Variants in ZC3H12B observed in about 807,000 individuals in gnomAD.
ZC3H12B encodes the protein probable ribonuclease ZC3H12B.
A neutral mutation model predicts 43.9 loss-of-function variants in ZC3H12B; 7 were observed. That is an observed-to-expected ratio of 0.16 (90% CI 0.09 to 0.30). The LOEUF is 0.30. Ranked by LOEUF, ZC3H12B falls within the 10% of genes least tolerant of loss-of-function variation. The pLI is 1.00. For missense variants in ZC3H12B, 475 were observed against 670.2 expected, an observed-to-expected ratio of 0.71 and a Z score of 3.22; for synonymous variants, 222 against 241.7, an observed-to-expected ratio of 0.92 and a Z score of 0.76.
At chrX:65,095,532 A>C in the ZC3H12B span, among the ~76,000 whole-genome samples, 22 of 111,377 alleles carry the variant, frequency 2.0e-4, no homozygotes, top group Non-Finnish European at 3.8e-4. Flanking sequence ...TGTAGGAACC[A>C]GTACTGGGTG....
chrX:65,071,588 A>G, the ZC3H12B span, among the ~76,000 whole-genome samples: 1 of 111,540 alleles, frequency 9.0e-6, no homozygotes, highest in Non-Finnish European at 1.9e-5. Context: ...GTGGCTTGTA[A>G]TGATCTTTCT....
chrX:65,455,567 AG>A (rs1374915661), intron 3 of ZC3H12B, among the ~76,000 whole-genome samples: 1 of 112,363 alleles, frequency 8.9e-6, no homozygotes, highest in Non-Finnish European at 1.9e-5. Flanking sequence ...GATATTATCC[AG>A]GAGAAATTCC....
chrX:65,507,047 T>C (rs896070482), exon 5 of ZC3H12B: 1 of 112,200 alleles, frequency 8.9e-6, no homozygotes, highest in African/African-American at 3.3e-5. Flanking sequence ...ATTATCTTTA[T>C]ACAGTAATTC....
At chrX:65,191,606 T>G in the ZC3H12B span, among the ~76,000 whole-genome samples, 1 of 104,299 alleles carries the variant, frequency 9.6e-6, no homozygotes, top group African/African-American at 4.0e-5. Flanking sequence ...TGTAGTATTC[T>G]CTGATGGTAG....
chrX:65,314,507 G>A, the ZC3H12B span, among the ~76,000 whole-genome samples: 1 of 111,843 alleles, frequency 8.9e-6, no homozygotes, highest in African/African-American at 3.2e-5. Flanking sequence ...CATTGTTAAA[G>A]TGCTGAATAA....
intron 3 of ZC3H12B, chrX:65,469,353 A>T: frequency 5.1e-6 from 2 of 393,546 alleles, no homozygotes; most frequent in Non-Finnish European, 4.7e-6. Flanking sequence ...CCTGCTGGTC[A>T]ATGCCAAAGG....
chrX:65,106,961 G>T, the ZC3H12B span, among the ~76,000 whole-genome samples: 2 of 111,302 alleles, frequency 1.8e-5, no homozygotes, highest in Non-Finnish European at 3.8e-5. Flanking sequence ...AACTCAATCT[G>T]GTTCCAGAGC....
At chrX:65,283,935 C>A in the ZC3H12B span, among the ~76,000 whole-genome samples, 2 of 111,201 alleles carry the variant, frequency 1.8e-5, no homozygotes, top group Non-Finnish European at 3.8e-5. Context: ...ATATTTGATA[C>A]AAGGATGTGA....
the ZC3H12B span, among the ~76,000 whole-genome samples, chrX:65,331,978 G>A: frequency 2.7e-5 from 3 of 111,131 alleles, no homozygotes; most frequent in Non-Finnish European, 5.7e-5. Context: ...CTTTGCTGTA[G>A]CCTGTTTTAT....
At chrX:65,087,141 G>A in the ZC3H12B span, among the ~76,000 whole-genome samples, 7 of 110,526 alleles carry the variant, frequency 6.3e-5, no homozygotes, top group African/African-American at 1.6e-4. Flanking sequence ...CAATAGGTGC[G>A]TTTCCCTCAT....
At chrX:65,216,385 T>G in the ZC3H12B span, among the ~76,000 whole-genome samples, 1 of 111,201 alleles carries the variant, frequency 9.0e-6, no homozygotes, top group South Asian at 3.8e-4. Context: ...AGCTCAACAC[T>G]GGGCAGAACT....
At chrX:65,226,848 T>A in the ZC3H12B span, among the ~76,000 whole-genome samples, 1 of 111,657 alleles carries the variant, frequency 9.0e-6, no homozygotes, top group Non-Finnish European at 1.9e-5. Flanking sequence ...TAAATATATA[T>A]GCACCCAAAA....
intron 1 of ZC3H12B, among the ~76,000 whole-genome samples, chrX:65,491,801 ACAT>A (rs1261531000): frequency 9.2e-6 from 1 of 108,767 alleles, no homozygotes; most frequent in African/African-American, 3.3e-5. Flanking sequence ...TAAAATCATG[ACAT>A]CATCATAATT....
the ZC3H12B span, among the ~76,000 whole-genome samples, chrX:65,291,284 A>T: frequency 1.8e-5 from 2 of 111,706 alleles, no homozygotes; most frequent in African/African-American, 6.5e-5. Context: ...ATATTTAAAA[A>T]TTTACTTCTT....
chrX:65,438,564 C>T (rs1218815721), intron 3 of ZC3H12B, among the ~76,000 whole-genome samples: 3 of 112,418 alleles, frequency 2.7e-5, no homozygotes, highest in Admixed American at 9.4e-5. Context: ...TCATAGCCTT[C>T]AGAGCTGAAA....
the ZC3H12B span, among the ~76,000 whole-genome samples, chrX:65,212,056 A>G: frequency 3.2e-5 from 2 of 63,096 alleles, no homozygotes; most frequent in Non-Finnish European, 5.2e-5. Context: ...TATATAATAT[A>G]TATGTTATGT....
At chrX:65,178,841 AAG>A in the ZC3H12B span, among the ~76,000 whole-genome samples, 731 of 112,357 alleles carry the variant, frequency 6.5e-3, 13 homozygotes, top group African/African-American at 0.023. Context: ...ACCATTGTGG[AAG>A]AGAGTGTGCA....
chrX:65,212,267 A>ATAATATATAATATATAATATG, the ZC3H12B span, among the ~76,000 whole-genome samples: 26 of 51,657 alleles, frequency 5.0e-4, no homozygotes, highest in African/African-American at 1.7e-3. Flanking sequence ...AATATATTAT[A>ATAATATATAATATATAATATG]TAATATATAA....
chrX:65,244,807 T>A, the ZC3H12B span, among the ~76,000 whole-genome samples: 1 of 108,754 alleles, frequency 9.2e-6, no homozygotes, highest in African/African-American at 3.4e-5. Flanking sequence ...ACAAGGTATG[T>A]CTGTATTGTA....
Sources: gnomAD v4.1 joint callset for allele counts (sites outside exome capture counted in the v4.1 genomes callset) on GRCh38, gnomAD v4.1.1 for gene constraint, MANE v1.5 for transcripts, NCBI Gene and HGNC (gene_info 2026-07-23, HGNC 2026-07-21) for gene names.